NTPCR: variants seen among roughly 807,000 people sequenced by gnomAD.
NTPCR encodes the protein nucleoside-triphosphatase, cancer-related.
A neutral mutation model predicts 19.5 loss-of-function variants in NTPCR; 15 were observed. The ratio of observed to expected loss-of-function variants is 0.77; its 90% CI spans 0.51 to 1.18. NTPCR has a LOEUF of 1.18. Ranked by LOEUF, NTPCR falls within the 50% of genes most tolerant of loss-of-function variation. The pLI, the probability that NTPCR is intolerant of heterozygous loss-of-function variation, is 0.00. For missense variants in NTPCR, 206 were observed against 240.4 expected (o/e 0.86, Z 0.95); for synonymous variants, 90 against 95.8 (o/e 0.94, Z 0.36).
At position 232,955,730 on chromosome 1, in the gene NTPCR, T is replaced by G. The variant is rs1668495497; in HGVS notation, c.197+11T>G. On this transcript the variant is annotated intron_variant, in intron 2 of 4. Transcript: ENST00000366628. ...TTTATCGAGAGTTGGGTACTGATAT[T>G]TCATTTCTGTGGTGTTCTATTATCT... The G allele has an allele frequency of 1.2e-6, 2 of 1,612,728 alleles. No homozygotes were observed. Among genetic ancestry groups the G allele is most frequent in the Non-Finnish European group, 1.7e-6 (2 of 1,178,978 alleles).
Position 232,955,695 on chromosome 1 carries a change from C to T in NTPCR, c.173C>T (p.Thr58Ile), listed in dbSNP as rs766851226. ...TTCGATGTCGTCACGTTGTCCGGCACCCGGGGGCCTTTATCGAGAGTTGGG... is the reference window on the plus strand; with the variant it reads ...TTCGATGTCGTCACGTTGTCCGGCATCCGGGGGCCTTTATCGAGAGTTGGG... ...IGFDVVTLSG[T>I]RGPLSRVGLE... The change falls in exon 2 of 5, where the codon ACC becomes ATC. Residue 58 changes from threonine (T) to isoleucine (I), a missense_variant. Thr to Ile is a moderately conservative substitution (Grantham distance 89, BLOSUM62 -1). Transcript: ENST00000366628. 3.7e-6 allele frequency: 6 copies of T among 1,613,764 alleles called. No individual in the cohort carries two copies. In the East Asian group the frequency reaches 1.3e-4, roughly 36 times the overall value.
chr1:232,982,658 T>G lies in NTPCR; in HGVS notation c.*4427T>G, dbSNP rs1002563379. The G allele has an allele frequency of 6.6e-6, 1 of 152,316 alleles. No homozygotes were observed. Among genetic ancestry groups the G allele is most frequent in the Non-Finnish European group, 1.5e-5 (1 of 68,090 alleles). The allele number at this position is 152,316 out of a possible 1,614,324, so 9.4% of individuals were successfully genotyped here. On this transcript the variant is annotated 3_prime_UTR_variant, in exon 5 of 5. Transcript: ENST00000366628. ...TCCTTCCAGCCTGGGTTTCTAGCTC[T>G]TTGGGGAGATTCCCCGTTTTGTGGA...
chr1:232,950,631 C>T lies in NTPCR; in HGVS notation c.-80C>T, dbSNP rs1668331629. On this transcript the variant is annotated 5_prime_UTR_variant, in exon 1 of 5. Transcript: ENST00000366628. ...GCGGTGGGCGGGTCCTGAGTCGCGA[C>T]CCTGGTCCGGACCTGACCTGAATTG... is the stretch of plus-strand genomic sequence containing the variant. The T allele has an allele frequency of 6.6e-6, 8 of 1,205,414 alleles. No individual in the cohort carries two copies. In the East Asian group the frequency reaches 1.9e-4, roughly 29 times the overall value. The allele number at this position is 1,205,414 out of a possible 1,614,324, so 74.7% of individuals were successfully genotyped here. A position where few individuals can be genotyped will look rare whatever the true frequency, so the allele number is the denominator to read the frequency against.
intron 3 of NTPCR, 57 bp from the exon 4 acceptor site, chr1:232,969,851 AT>A: frequency 2.1e-6 from 3 of 1,396,126 alleles, no homozygotes; most frequent in Non-Finnish European, 3.1e-6. Context: ...AGTGGGACCC[AT>A]GGGCCCTTTG....
intron 1 of NTPCR, among the ~76,000 whole-genome samples, chr1:232,952,078 C>T (rs1194704297): frequency 2.0e-5 from 3 of 152,002 alleles, no homozygotes; most frequent in Non-Finnish European, 4.4e-5. Context: ...CTCAAACCCA[C>T]GCACCTTTGT....
rs1340461226 is a variant in NTPCR at position 232,978,435 on chromosome 1, A to G, written c.*204A>G. 2.0e-6 allele frequency: 1 copy of G among 503,418 alleles called. No individual in the cohort carries two copies. The highest frequency in any genetic ancestry group is 2.8e-5 in the South Asian group (1 of 35,132). 31.2% of individuals were successfully genotyped at this position (503,418 alleles called of 1,614,324 possible). A position where few individuals can be genotyped will look rare whatever the true frequency, so the allele number is the denominator to read the frequency against. The stretch of plus-strand genomic sequence containing the variant: ...ATTGTCTGTACAAGATTAACTATCC[A>G]TTGTGGCTTATCTATGCTTAAAGAT... On this transcript the variant is annotated 3_prime_UTR_variant, in exon 5 of 5. Transcript: ENST00000366628.
chr1:232,973,387 A>G (rs752703518), intron 4 of NTPCR, among the ~76,000 whole-genome samples: 2 of 152,216 alleles, frequency 1.3e-5, no homozygotes, highest in African/African-American at 4.8e-5. Context: ...GAGTAGACAC[A>G]CTTGTGTTTA....
intron 3 of NTPCR, among the ~76,000 whole-genome samples, chr1:232,957,805 A>G (rs1175695130): frequency 6.6e-6 from 1 of 152,236 alleles, no homozygotes; most frequent in East Asian, 1.9e-4. Context: ...TGTGAAAGAA[A>G]AGAACAGGGT....
rs1669279050 is a variant in NTPCR, at chr1:232,981,514, G to T, written c.*3283G>T. The T allele has an allele frequency of 6.6e-6, 1 of 152,158 alleles. No homozygotes were observed. The highest frequency in any genetic ancestry group is 2.1e-4 in the South Asian group (1 of 4,832). The allele number at this position is 152,158 out of a possible 1,614,324, so 9.4% of individuals were successfully genotyped here. On this transcript the variant is annotated 3_prime_UTR_variant, in exon 5 of 5. Transcript: ENST00000366628. ...TGGAGACGGGTGGGCTAAGTAAACA[G>T]GCATTGCATTGCACATTTTGTGGGC...
At position 232,953,294 on chromosome 1, in the gene NTPCR, T is replaced by A. The variant is rs559870037; in HGVS notation, c.35-2263T>A. 3.9e-5 allele frequency among the ~76,000 whole-genome samples: 6 copies of A among 152,272 alleles called. No individual in the cohort carries two copies. In the South Asian group the frequency reaches 1.2e-3, roughly 32 times the overall value. ...AATAATTCCAGAGCTTTCTGATCTG[T>A]TTGTGCCTGGTATACAGCTATCATC... On this transcript the variant is annotated intron_variant, in intron 1 of 4. Coordinates refer to ENST00000366628, the MANE Select transcript of NTPCR (RefSeq NM_032324.3).
intron 1 of NTPCR, among the ~76,000 whole-genome samples, chr1:232,951,448 A>ATC (rs1193076771): frequency 6.6e-6 from 1 of 152,218 alleles, no homozygotes; most frequent in African/African-American, 2.4e-5. Context: ...CGTTGAGGTC[A>ATC]GATGAGAGGT....
chr1:232,970,958 T>A (rs938985300), intron 4 of NTPCR, among the ~76,000 whole-genome samples: 2 of 152,216 alleles, frequency 1.3e-5, no homozygotes, highest in African/African-American at 4.8e-5. Context: ...TTCTGGCAAG[T>A]TCTCATGTGG....
At chr1:232,963,183 C>T (rs1668715144) in intron 3 of NTPCR, 1 of 152,196 alleles carries the variant, frequency 6.6e-6, no homozygotes, top group Non-Finnish European at 1.5e-5. Flanking sequence ...AACAGAAAAT[C>T]AGTTTTTAAA....
At chr1:232,970,556 G>A (rs1041873659) in intron 4 of NTPCR, among the ~76,000 whole-genome samples, 5 of 152,220 alleles carry the variant, frequency 3.3e-5, no homozygotes, top group Non-Finnish European at 5.9e-5. Context: ...CTGTGGATGT[G>A]TTGGGAGACA....
chr1:232,956,404 G>A lies in NTPCR; in HGVS notation c.255G>A (p.Leu85=), dbSNP rs1398763886. ...GAGTTGGGCAGTATGTGGTCGACCT[G>A]ACTTCTTTTGAGCAGTTGGCACTAC... ...ECRVGQYVVD[L]TSFEQLALPV... The change falls in exon 3 of 5, where the codon CTG becomes CTA. Residue 85 remains leucine, a synonymous_variant. Transcript: ENST00000366628. The A allele has an allele frequency of 1.9e-6, 3 of 1,613,942 alleles. No individual in the cohort carries two copies. The highest frequency in any genetic ancestry group is 2.5e-6 in the Non-Finnish European group (3 of 1,179,862).
chr1:232,978,501 G>C lies in NTPCR; in HGVS notation c.*270G>C. ...TCTTGCAGTCATGCACATGATTTGG[G>C]TAAACTGTGAGATGAGAAATGGTTT... is the stretch of plus-strand genomic sequence containing the variant. On this transcript the variant is annotated 3_prime_UTR_variant, in exon 5 of 5. Transcript: ENST00000366628. The C allele has an allele frequency of 3.2e-6, 1 of 314,818 alleles. No homozygotes were observed. 19.5% of individuals were successfully genotyped at this position (314,818 alleles called of 1,614,324 possible). A position where few individuals can be genotyped will look rare whatever the true frequency, so the allele number is the denominator to read the frequency against.
At chr1:232,969,735 A>G (rs1571964487) in intron 3 of NTPCR, 174 bp from the exon 4 acceptor site, 1 of 562,364 alleles carries the variant, frequency 1.8e-6, no homozygotes, top group Non-Finnish European at 3.2e-6. Context: ...ACCCTTGTGC[A>G]GTCCCCTCCC....
At chr1:232,976,548 T>A in intron 4 of NTPCR, 1 of 1,501,874 alleles carries the variant, frequency 6.7e-7, no homozygotes, top group Non-Finnish European at 8.9e-7. Flanking sequence ...GAATGGACTT[T>A]GGCTAACTTA....
chr1:232,970,705 A>C (rs534356567), intron 4 of NTPCR, among the ~76,000 whole-genome samples: 2 of 152,386 alleles, frequency 1.3e-5, no homozygotes, highest in East Asian at 3.9e-4. Flanking sequence ...TCATATTTAA[A>C]TTGAATTATT....
Sources: allele counts gnomAD v4.1 joint callset (sites outside exome capture counted in the v4.1 genomes callset), GRCh38; gene constraint gnomAD v4.1.1; transcripts MANE v1.5; gene names NCBI Gene and HGNC (gene_info 2026-07-23, HGNC 2026-07-21).